PTGR1: variants seen among roughly 807,000 people sequenced by gnomAD.
PTGR1 encodes the protein prostaglandin reductase 1, also known as 15-oxoprostaglandin 13-reductase.
A neutral mutation model predicts 37.7 loss-of-function variants in PTGR1; 23 were observed. That is an observed-to-expected ratio of 0.61 (90% CI 0.44 to 0.86). PTGR1 has a LOEUF of 0.86. PTGR1 is among the 40% of genes least tolerant of loss of function. PTGR1 has a pLI of 0.00. For synonymous variants in PTGR1, 134 were observed against 140.0 expected (o/e 0.96, Z 0.30); for missense variants, 351 against 394.3 (o/e 0.89, Z 0.93).
chr9:111,591,238 G>A lies in PTGR1; in HGVS notation c.209+1688C>T, dbSNP rs553270913. Among the ~76,000 whole-genome samples, 17 of 151,310 alleles carry A rather than the reference G, an allele frequency of 1.1e-4. No homozygotes were observed. The East Asian group carries it at 1.6e-3, about 14-fold the overall frequency. On this transcript the variant is annotated intron_variant, in intron 4 of 9. Coordinates refer to ENST00000407693, the MANE Select transcript of PTGR1 (RefSeq NM_001146108.2). Reference sequence around the variant, plus strand: ...CTTGAACCTGGGAGGTAGAGGTTGCGGTGAGCCAAGATTACGCCATTGCAC... The same window carrying A: ...CTTGAACCTGGGAGGTAGAGGTTGCAGTGAGCCAAGATTACGCCATTGCAC...
chr9:111,589,292 A>C (rs1304955243), intron 4 of PTGR1: 1 of 595,026 alleles, frequency 1.7e-6, no homozygotes, highest in Admixed American at 6.3e-5. Flanking sequence ...AATTGTAAAG[A>C]TGTCAGTTTC....
chr9:111,570,207 G>A lies in PTGR1; in HGVS notation c.763C>T (p.Pro255Ser), dbSNP rs563753365. Residue 255 changes from proline to serine, a missense_variant and splice_region_variant, in exon 9 of 10, where the codon CCA (proline) becomes TCA (serine). Physicochemically the swap from Pro to Ser is moderately conservative, Grantham distance 74 (BLOSUM62 -1). Coordinates refer to ENST00000407693, the MANE Select transcript of PTGR1 (RefSeq NM_001146108.2). ...YNRTGPLPPG[P>S]PPEIVIYQEL... Reference sequence around the variant, plus strand: ...TGATAGATAACAATCTCTGGGGGTGGGCCTGTGAAGAGAAGGGCACATTTG... The same window carrying A: ...TGATAGATAACAATCTCTGGGGGTGAGCCTGTGAAGAGAAGGGCACATTTG... 1.9e-6 allele frequency: 3 copies of A among 1,612,848 alleles called. No homozygotes were observed. Among genetic ancestry groups the A allele is most frequent in the Admixed American group, 1.7e-5 (1 of 59,878 alleles).
intron 8 of PTGR1, among the ~76,000 whole-genome samples, chr9:111,572,566 G>A (rs1828865083): frequency 6.6e-6 from 1 of 151,896 alleles, no homozygotes; most frequent in African/African-American, 2.4e-5. Context: ...CTCCAGCCTG[G>A]GCGACAGAGT....
At chr9:111,597,229 G>A (rs1829806890) in intron 2 of PTGR1, 88 bp downstream of exon 2, 3 of 1,007,994 alleles carry the variant, frequency 3.0e-6, no homozygotes, top group Non-Finnish European at 4.5e-6. Context: ...GTTGCTTAAA[G>A]TCACTAAACT....
intron 4 of PTGR1, among the ~76,000 whole-genome samples, chr9:111,590,113 C>G (rs907117221): frequency 6.6e-6 from 1 of 151,906 alleles, no homozygotes; most frequent in Non-Finnish European, 1.5e-5. Flanking sequence ...CCTGAACATA[C>G]GAGAAGCTTT....
chr9:111,554,539 A>G (rs927561388), intron 9 of PTGR1, among the ~76,000 whole-genome samples: 3 of 152,150 alleles, frequency 2.0e-5, no homozygotes, highest in Non-Finnish European at 2.9e-5. Flanking sequence ...GCAACCTCAG[A>G]TAGTACCAAA....
Position 111,578,855 on chromosome 9 carries a change from A to C in PTGR1, c.592T>G (p.Ser198Ala). 1 of 1,611,924 alleles carries C rather than the reference A, an allele frequency of 6.2e-7. No homozygotes were observed. Among genetic ancestry groups the C allele is most frequent in the South Asian group, 1.1e-5 (1 of 90,864 alleles). ...GCTTTCTTCAAGGTTTCTTCCAAAG[A>C]CTCTACCGTCTTGTAGTTAAAGACG... is the stretch of plus-strand genomic sequence containing the variant. ...DVVFNYKTVE[S>A]LEETLKKASP... The change falls in exon 7 of 10, where the codon TCT (serine) becomes GCT (alanine). Residue 198 changes from serine to alanine, a missense_variant. Physicochemically the swap from Ser to Ala is moderately conservative, Grantham distance 99. Coordinates refer to ENST00000407693, the MANE Select transcript of PTGR1 (RefSeq NM_001146108.2).
intron 9 of PTGR1, among the ~76,000 whole-genome samples, chr9:111,565,825 T>G (rs897195228): frequency 6.6e-6 from 1 of 152,016 alleles, no homozygotes; most frequent in Non-Finnish European, 1.5e-5. Flanking sequence ...GCACCCAGCC[T>G]AAAACTTTTC....
At chr9:111,554,343 CATATA>C (rs1432514054) in intron 9 of PTGR1, among the ~76,000 whole-genome samples, 1 of 152,220 alleles carries the variant, frequency 6.6e-6, no homozygotes, top group Non-Finnish European at 1.5e-5. Context: ...AGAGATCAAT[CATATA>C]ACCCTAACCT....
chr9:111,576,240 G>A, intron 7 of PTGR1: 1 of 879,978 alleles, frequency 1.1e-6, no homozygotes, highest in Non-Finnish European at 1.7e-6. Context: ...AAAAATATTT[G>A]CAAGCCATAT....
At chr9:111,571,358 G>A (rs1047691938) in intron 8 of PTGR1, among the ~76,000 whole-genome samples, 1 of 149,672 alleles carries the variant, frequency 6.7e-6, no homozygotes, top group African/African-American at 2.4e-5. Flanking sequence ...GCAGTGAGCT[G>A]AGATTGCACC....
Position 111,584,096 on chromosome 9 carries a change from G to A in PTGR1, c.378-507C>T, listed in dbSNP as rs118182187. On this transcript the variant is annotated intron_variant, in intron 5 of 9. Coordinates refer to ENST00000407693, the MANE Select transcript of PTGR1 (RefSeq NM_001146108.2). ...ATGGAAGACCTTCTGAAACTTCCCC[G>A]TATTACCCCAAGTAAGATGTCAAAG... 8.4e-3 allele frequency among the ~76,000 whole-genome samples: 1,274 copies of A among 152,272 alleles called. 17 individuals carry two copies. The highest frequency in any genetic ancestry group is 0.072 in the South Asian group (346 of 4,818).
chr9:111,595,263 C>A (rs1829743742), intron 2 of PTGR1, among the ~76,000 whole-genome samples: 2 of 152,044 alleles, frequency 1.3e-5, no homozygotes, highest in African/African-American at 4.8e-5. Flanking sequence ...TTGGCCCAGC[C>A]CAGTTAATAA....
intron 9 of PTGR1, among the ~76,000 whole-genome samples, chr9:111,555,370 T>C (rs1828091145): frequency 6.6e-6 from 1 of 152,204 alleles, no homozygotes; most frequent in Non-Finnish European, 1.5e-5. Context: ...CCAGAAAACC[T>C]GATGCCTCCA....
intron 7 of PTGR1, 149 bp from the exon 8 acceptor site, chr9:111,574,991 G>T: frequency 1.6e-6 from 1 of 616,870 alleles, no homozygotes. Flanking sequence ...ACTGCAGTTA[G>T]AAAAAGACAT....
At chr9:111,594,074 C>A (rs1007886769) in intron 3 of PTGR1, 148 bp downstream of exon 3, 1 of 810,314 alleles carries the variant, frequency 1.2e-6, no homozygotes, top group Non-Finnish European at 2.0e-6. Context: ...AAAAGACGAG[C>A]GTGCATGAAT....
downstream of PTGR1, among the ~76,000 whole-genome samples, chr9:111,560,972 TATAGAGAGAGAGAGAGAG>T (rs1241031109): frequency 6.1e-4 from 13 of 21,320 alleles, 1 homozygote; most frequent in African/African-American, 2.2e-3. Flanking sequence ...TATATATATA[TATAGAGAGAGAGAGAGAG>T]AGAGAGAGAG....
chr9:111,556,417 A>AG (rs1226323092), intron 9 of PTGR1, among the ~76,000 whole-genome samples: 1 of 152,220 alleles, frequency 6.6e-6, no homozygotes, highest in Non-Finnish European at 1.5e-5. Context: ...TCCACTGTGT[A>AG]GGGGGCTCCA....
intron 3 of PTGR1, 114 bp downstream of exon 3, chr9:111,594,108 G>T: frequency 8.9e-7 from 1 of 1,120,296 alleles, no homozygotes; most frequent in Non-Finnish European, 1.3e-6. Context: ...CTGGCTGGGA[G>T]AAACAGAAGG....
Sources: gnomAD v4.1 joint callset for allele counts (sites outside exome capture counted in the v4.1 genomes callset) on GRCh38, gnomAD v4.1.1 for gene constraint, MANE v1.5 for transcripts, NCBI Gene and HGNC (gene_info 2026-07-23, HGNC 2026-07-21) for gene names.